NGDN: variants seen among roughly 807,000 people sequenced by gnomAD.
The protein encoded by NGDN is EIF4E-binding protein.
NGDN carries 41 observed loss-of-function variants against 45.2 expected under a neutral mutation model. The observed-to-expected ratio is 0.91, with a 90% CI of 0.71 to 1.18. The LOEUF (loss-of-function observed/expected upper bound fraction) is 1.18. NGDN is among the 50% of genes most tolerant of loss of function. NGDN has a pLI of 0.00. For synonymous variants in NGDN, 137 were observed against 130.9 expected (o/e 1.05, Z -0.32); for missense variants, 402 against 399.9 (o/e 1.01, Z -0.05).
chr14:23,476,075 C>G lies in NGDN; in HGVS notation c.467C>G (p.Ser156Cys). 2 of 1,614,080 alleles carry G rather than the reference C, an allele frequency of 1.2e-6. No homozygotes were observed. The highest frequency in any genetic ancestry group is 8.5e-7 in the Non-Finnish European group (1 of 1,179,936). ...EEEDEAEDDQ[S>C]EASGKKSVKG... ...GAAGATGAAGCAGAAGATGACCAGT[C>G]TGAGGCTTCAGGGAAGAAATCTGTG... Residue 156 changes from serine to cysteine, a missense_variant, in exon 7 of 11, where the codon TCT becomes TGT. Coordinates refer to ENST00000408901, the MANE Select transcript of NGDN (RefSeq NM_001042635.2).
chr14:23,473,702 G>T (rs1344135776), intron 3 of NGDN, among the ~76,000 whole-genome samples: 1 of 152,098 alleles, frequency 6.6e-6, no homozygotes, highest in Non-Finnish European at 1.5e-5. Context: ...AATAAAAATG[G>T]ACAGTAAGAA....
intron 3 of NGDN, 34 bp from the exon 4 acceptor site, chr14:23,475,137 A>G (rs1893866412): frequency 1.3e-6 from 2 of 1,588,588 alleles, no homozygotes; most frequent in Non-Finnish European, 1.7e-6. Flanking sequence ...GGCTAAAACC[A>G]AATCTGTTTT....
chr14:23,475,670 T>G (rs764646322), intron 5 of NGDN, 28 bp downstream of exon 5: 3 of 1,613,764 alleles, frequency 1.9e-6, no homozygotes, highest in South Asian at 1.1e-5. Context: ...CATGAAGTTG[T>G]GGGGACCATC....
At position 23,475,564 on chromosome 14, in the gene NGDN, GA is replaced by G; in HGVS notation, c.293del (p.Lys98SerfsTer9). On this transcript the variant is annotated frameshift_variant, in exon 5 of 11. Coordinates refer to ENST00000408901, the MANE Select transcript of NGDN (RefSeq NM_001042635.2). LOFTEE classifies it high-confidence loss of function. Reference protein sequence around the residue: ...LRLVEIRTVLEKLRPLDQKLK... With the variant: ...LRLVEIRTVLXKLRPLDQKLK... ...ATTAACTACCATGTTGTAGGTTTTG[GA>G]AAAGCTTCGTCCCTTGGACCAAAAG... 6.2e-7 allele frequency: 1 copy of G among 1,613,866 alleles called. No individual in the cohort carries two copies. The highest frequency in any genetic ancestry group is 8.5e-7 in the Non-Finnish European group (1 of 1,179,972).
chr14:23,469,810 C>G (rs1893730022), intron 1 of NGDN, 83 bp downstream of exon 1: 5 of 1,557,074 alleles, frequency 3.2e-6, no homozygotes, highest in Non-Finnish European at 4.4e-6. Flanking sequence ...ACTGTTGGTA[C>G]CAGGGAAGGG....
chr14:23,471,239 C>A (rs890684299), intron 3 of NGDN: 4 of 345,744 alleles, frequency 1.2e-5, no homozygotes, highest in African/African-American at 4.2e-5. Context: ...GGATTCAGGA[C>A]AGGCTTCCCA....
chr14:23,471,809 CAAA>C (rs35450473), intron 3 of NGDN, among the ~76,000 whole-genome samples: 10 of 141,452 alleles, frequency 7.1e-5, no homozygotes, highest in Non-Finnish European at 7.7e-5. Flanking sequence ...GACCCTGTCT[CAAA>C]AAAAAAAAAA....
chr14:23,475,782 A>G lies in NGDN; in HGVS notation c.420+4A>G. 6.2e-7 allele frequency: 1 copy of G among 1,612,118 alleles called. No individual in the cohort carries two copies. Among genetic ancestry groups the G allele is most frequent in the South Asian group, 1.1e-5 (1 of 90,988 alleles). ...TCCCAGCAATATGATGAGCAAGGTA[A>G]GGGGTTGTAGTATTCTCCTGATTTT... On this transcript the variant is annotated splice_donor_region_variant and intron_variant, in intron 6 of 10. Coordinates refer to ENST00000408901, the MANE Select transcript of NGDN (RefSeq NM_001042635.2).
chr14:23,475,401 A>C (rs1238292576), intron 4 of NGDN, 93 bp downstream of exon 4: 2 of 1,402,010 alleles, frequency 1.4e-6, no homozygotes, highest in Non-Finnish European at 9.8e-7. Flanking sequence ...GAGTCTTCTC[A>C]TGTTTAAGGA....
chr14:23,469,860 G>A, intron 1 of NGDN, 133 bp downstream of exon 1: 1 of 1,335,928 alleles, frequency 7.5e-7, no homozygotes, highest in Admixed American at 1.9e-5. Flanking sequence ...CCTCCCTAGA[G>A]TTACCGTTCC....
chr14:23,476,139 T>C lies in NGDN; in HGVS notation c.531T>C (p.Val177=). 1 of 1,614,156 alleles carries C rather than the reference T, an allele frequency of 6.2e-7. No homozygotes were observed. Among genetic ancestry groups the C allele is most frequent in the Non-Finnish European group, 8.5e-7 (1 of 1,179,994 alleles). The stretch of plus-strand genomic sequence containing the variant: ...AGAAATATGTTCCTCCACGCTTGGT[T>C]CCAGTACATTATGGTATAAACTTTG... ...VSKKYVPPRL[V]PVHYDETEAE... Residue 177 remains valine, a synonymous_variant, in exon 7 of 11, where the codon GTT becomes GTC. Coordinates refer to ENST00000408901, the MANE Select transcript of NGDN (RefSeq NM_001042635.2).
At position 23,477,898 on chromosome 14, in the gene NGDN, C is replaced by A. The variant is rs1054813998; in HGVS notation, c.929-109C>A. On this transcript the variant is annotated intron_variant, in intron 10 of 10. Transcript: ENST00000408901. The stretch of plus-strand genomic sequence containing the variant: ...TCCTGGGAAGATATTCAGGGTACTG[C>A]CTAGGAGACCCCACCCCTGTGAGCC... The A allele has an allele frequency of 2.9e-5, 47 of 1,607,150 alleles. No homozygotes were observed. The African/African-American group carries it at 6.2e-4, about 21-fold the overall frequency.
At chr14:23,473,895 G>A (rs978509009) in intron 3 of NGDN, among the ~76,000 whole-genome samples, 12 of 152,002 alleles carry the variant, frequency 7.9e-5, no homozygotes, top group African/African-American at 2.9e-4. Flanking sequence ...AAAATTAGCC[G>A]GGCGTGGTGG....
At position 23,477,245 on chromosome 14, in the gene NGDN, G is replaced by A. The variant is rs762412377; in HGVS notation, c.759G>A (p.Lys253=). 2 of 1,614,194 alleles carry A rather than the reference G, an allele frequency of 1.2e-6. No individual in the cohort carries two copies. The highest frequency in any genetic ancestry group is 1.7e-6 in the Non-Finnish European group (2 of 1,180,024). ...TGATGGTGCGTTTGAGCGTCAGTAA[G>A]CGAGAGAAAGGACGGCGAAAACGAG... ...ESMMVRLSVS[K]REKGRRKRAN... The change falls in exon 9 of 11, where the codon AAG becomes AAA. Residue 253 remains lysine, a synonymous_variant. Coordinates refer to ENST00000408901, the MANE Select transcript of NGDN (RefSeq NM_001042635.2).
rs769282695 is a variant in NGDN at position 23,470,088 on chromosome 14, A to G, written c.59A>G (p.Asn20Ser). The change falls in exon 2 of 11, where the codon AAT becomes AGT. Residue 20 changes from asparagine to serine, a missense_variant. Asn to Ser is a conservative substitution (Grantham distance 46, BLOSUM62 1). Coordinates refer to ENST00000408901, the MANE Select transcript of NGDN (RefSeq NM_001042635.2). ...CCAAGTGCCGTGACACTTCTGAAAA[A>G]TCTCCAGGAGCAAGTGAGTAGTGTC... ...DLPSAVTLLK[N>S]LQEQVMAVTA... is the part of the protein sequence containing the mutation. 2.3e-5 allele frequency: 37 copies of G among 1,613,816 alleles called. No homozygotes were observed. The African/African-American group carries it at 2.4e-4, about 10-fold the overall frequency.
At chr14:23,477,747 G>C in intron 10 of NGDN, 187 bp downstream of exon 10, 2 of 1,458,526 alleles carry the variant, frequency 1.4e-6, no homozygotes, top group Non-Finnish European at 1.8e-6. Context: ...TTCACAAAAT[G>C]AATCTCTGGA....
chr14:23,473,764 A>G (rs1212373475), intron 3 of NGDN, among the ~76,000 whole-genome samples: 2 of 152,238 alleles, frequency 1.3e-5, no homozygotes, highest in African/African-American at 2.4e-5. Flanking sequence ...TGCTGTTTTT[A>G]GTTATCTTTC....
rs150384677 is a variant in NGDN, at chr14:23,470,498, G to GC, written c.72+400dup. Among the ~76,000 whole-genome samples, 791 of 152,274 alleles carry GC rather than the reference G, an allele frequency of 5.2e-3. 9 individuals carry two copies. The highest frequency in any genetic ancestry group is 0.018 in the African/African-American group (750 of 41,548). Reference sequence around the variant, plus strand: ...GTCGAAATTTAGGCTTGATGCCGCTGCCCAGCATCACGAGAAAAGGACGGT... The same window carrying GC: ...GTCGAAATTTAGGCTTGATGCCGCTGCCCCAGCATCACGAGAAAAGGACGGT... On this transcript the variant is annotated intron_variant, in intron 2 of 10. Transcript: ENST00000408901.
intron 8 of NGDN, 109 bp from the exon 9 acceptor site, chr14:23,477,091 C>T: frequency 1.0e-6 from 1 of 1,004,690 alleles, no homozygotes; most frequent in African/African-American, 1.6e-5. Context: ...TGTGAAACTT[C>T]TTGAGAACTC....
Sources: allele counts gnomAD v4.1 joint callset (sites outside exome capture counted in the v4.1 genomes callset), GRCh38; gene constraint gnomAD v4.1.1; transcripts MANE v1.5; gene names NCBI Gene and HGNC (gene_info 2026-07-23, HGNC 2026-07-21).